Variants in SVOP observed in about 807,000 individuals in gnomAD.
SVOP encodes synaptic vesicle 2-related protein.
SVOP carries 17 observed loss-of-function variants against 69.1 expected under a neutral mutation model. The ratio of observed to expected loss-of-function variants is 0.25; its 90% CI spans 0.17 to 0.37. SVOP has a LOEUF of 0.37. Among genes scored for constraint, SVOP ranks in the 10% least tolerant of loss-of-function variants. The pLI, the probability that SVOP is intolerant of heterozygous loss-of-function variation, is 1.00. For missense variants in SVOP, 435 were observed against 597.5 expected, an observed-to-expected ratio of 0.73 and a Z score of 2.84; for synonymous variants, 238 against 238.6, an observed-to-expected ratio of 1.00 and a Z score of 0.02.
At chr12:109,008,960 C>CTTTTTTTTTTTTTTTTTTTTTTT (rs71079510) in intron 1 of SVOP, among the ~76,000 whole-genome samples, 1 of 112,748 alleles carries the variant, frequency 8.9e-6, no homozygotes, top group Non-Finnish European at 1.8e-5. Context: ...TCTTTTCTTT[C>CTTTTTTTTTTTTTTTTTTTTTTT]TTTTTTTTTT....
chr12:108,995,482 G>T (rs576096005), intron 1 of SVOP, among the ~76,000 whole-genome samples: 1 of 152,312 alleles, frequency 6.6e-6, no homozygotes, highest in South Asian at 2.1e-4. Context: ...CAGGATAGTG[G>T]TTACCAGGGG....
chr12:108,959,352 T>C (rs948778226), intron 6 of SVOP, among the ~76,000 whole-genome samples: 5 of 13,378 alleles, frequency 3.7e-4, no homozygotes, highest in African/African-American at 5.7e-4. Context: ...CTTTTAATTC[T>C]TTTTTTTTTT....
intron 1 of SVOP, among the ~76,000 whole-genome samples, chr12:109,005,200 T>C (rs1000551826): frequency 6.6e-6 from 1 of 152,050 alleles, no homozygotes; most frequent in African/African-American, 2.4e-5. Context: ...TCCATCGGAG[T>C]AGACAAGAGA....
At chr12:108,993,175 CTT>C (rs1218455842) in intron 1 of SVOP, among the ~76,000 whole-genome samples, 1 of 151,942 alleles carries the variant, frequency 6.6e-6, no homozygotes, top group Non-Finnish European at 1.5e-5. Context: ...GCCCGGCTAA[CTT>C]TTGCACTTTT....
At chr12:108,935,139 A>G in intron 10 of SVOP, among the ~76,000 whole-genome samples, 1 of 152,326 alleles carries the variant, frequency 6.6e-6, no homozygotes, top group Admixed American at 6.5e-5. Context: ...TCTGGAAGAA[A>G]ACAGCCCCAT....
At chr12:108,943,012 G>A (rs976623892) in intron 7 of SVOP, among the ~76,000 whole-genome samples, 4 of 151,934 alleles carry the variant, frequency 2.6e-5, no homozygotes, top group Non-Finnish European at 5.9e-5. Flanking sequence ...GCCCACCTTG[G>A]CCTCTCAAAG....
In SVOP at chr12:108,912,529, C is replaced by T. The variant is rs375113343; in HGVS notation, c.*6G>A. On this transcript the variant is annotated 3_prime_UTR_variant, in exon 16 of 16. Coordinates refer to ENST00000610966, the MANE Select transcript of SVOP (RefSeq NM_018711.5). ...CTCAAAGACCAGCTCAGTCCCCCAT[C>T]GGTCACTATTCCTGAGAGCCAGAGT... is the stretch of plus-strand genomic sequence containing the variant. The T allele has an allele frequency of 4.8e-5, 78 of 1,613,680 alleles. No homozygotes were observed. The highest frequency in any genetic ancestry group is 5.8e-5 in the Non-Finnish European group (68 of 1,179,718).
At chr12:109,013,725 C>T (rs1197537533) in intron 1 of SVOP, among the ~76,000 whole-genome samples, 1 of 152,122 alleles carries the variant, frequency 6.6e-6, no homozygotes, top group Admixed American at 6.6e-5. Context: ...AGTTCTCTGG[C>T]ATTAAGCACG....
intron 10 of SVOP, 64 bp from the exon 11 acceptor site, chr12:108,934,335 C>A: frequency 2.1e-6 from 3 of 1,430,996 alleles, no homozygotes; most frequent in South Asian, 1.3e-5. Flanking sequence ...CTTTCCCTAC[C>A]CCCTTGGGAA....
At chr12:108,922,968 C>G (rs2137391938) in intron 11 of SVOP, among the ~76,000 whole-genome samples, 171 bp from the exon 12 acceptor site, 1 of 152,330 alleles carries the variant, frequency 6.6e-6, no homozygotes, top group East Asian at 1.9e-4. Context: ...AGTGCTCCAG[C>G]TTCATCTCTC....
chr12:108,917,793 C>T (rs1027027129), intron 14 of SVOP, among the ~76,000 whole-genome samples: 3 of 152,142 alleles, frequency 2.0e-5, no homozygotes, highest in Non-Finnish European at 4.4e-5. Context: ...CAGGTGTGCG[C>T]CACCACAGCC....
chr12:108,951,419 T>C (rs1566055502), intron 6 of SVOP, among the ~76,000 whole-genome samples: 4 of 152,246 alleles, frequency 2.6e-5, no homozygotes, highest in Admixed American at 1.3e-4. Flanking sequence ...TCATTTGTTA[T>C]TTGTTGGTGC....
intron 1 of SVOP, among the ~76,000 whole-genome samples, chr12:109,001,873 C>CTAAA (rs1285357647): frequency 4.6e-5 from 7 of 150,660 alleles, no homozygotes; most frequent in Non-Finnish European, 8.9e-5. Flanking sequence ...AAAACCTAGG[C>CTAAA]ATTACCATTC....
rs575477793 is a variant in SVOP, at chr12:108,914,362, T to G, written c.1440+1421A>C. 2.6e-5 allele frequency among the ~76,000 whole-genome samples: 4 copies of G among 152,244 alleles called. No individual in the cohort carries two copies. The East Asian group carries it at 5.8e-4, about 22-fold the overall frequency. ...GATGGTTAATTTTGTTATGTGACGT[T>G]TACCTCAATAAAAAAGTGATTCAAA... On this transcript the variant is annotated intron_variant, in intron 15 of 15. Coordinates refer to ENST00000610966, the MANE Select transcript of SVOP (RefSeq NM_018711.5).
chr12:108,939,403 T>A (rs938862294), intron 8 of SVOP, among the ~76,000 whole-genome samples: 2 of 152,200 alleles, frequency 1.3e-5, no homozygotes, highest in African/African-American at 4.8e-5. Context: ...ACACCTCACC[T>A]GTATTCAGCA....
intron 5 of SVOP, among the ~76,000 whole-genome samples, chr12:108,965,945 T>G (rs1240283609): frequency 6.6e-6 from 1 of 151,720 alleles, no homozygotes; most frequent in Non-Finnish European, 1.5e-5. Flanking sequence ...CTTCCTTCTT[T>G]CCTTCTTTCC....
intron 1 of SVOP, among the ~76,000 whole-genome samples, chr12:109,012,453 T>C (rs1443306749): frequency 6.6e-6 from 1 of 152,186 alleles, no homozygotes. Context: ...CATATGTTAA[T>C]TAGCTTGATT....
chr12:108,980,786 G>A (rs979444454), intron 2 of SVOP, among the ~76,000 whole-genome samples: 26 of 150,038 alleles, frequency 1.7e-4, no homozygotes, highest in Admixed American at 1.1e-3. Context: ...TTAGCCAGGT[G>A]TGGTGGCGCA....
chr12:108,937,298 A>G lies in SVOP; in HGVS notation c.937T>C (p.Phe313Leu), dbSNP rs1296570451. 6.2e-7 allele frequency: 1 copy of G among 1,613,832 alleles called. No homozygotes were observed. Among genetic ancestry groups the G allele is most frequent in the Non-Finnish European group, 8.5e-7 (1 of 1,179,884 alleles). The change falls in exon 10 of 16, where the codon TTT becomes CTT. Residue 313 changes from phenylalanine to leucine, a missense_variant. By Grantham distance (22) the Phe-to-Leu change is conservative. Transcript: ENST00000610966. ...GKMRDLFTPH[F>L]RWTTLLLWFI... ...CACAGCAGCAAAGTTGTCCATCTAA[A>G]ATGGGGTGTGAAAAGGTCCCTCATT... is the stretch of plus-strand genomic sequence containing the variant.
Sources: allele counts gnomAD v4.1 joint callset (sites outside exome capture counted in the v4.1 genomes callset), GRCh38; gene constraint gnomAD v4.1.1; transcripts MANE v1.5; gene names NCBI Gene and HGNC (gene_info 2026-07-23, HGNC 2026-07-21).